Variants in ARFGEF1 observed in about 807,000 individuals in gnomAD.
ARFGEF1 encodes the protein brefeldin A-inhibited guanine nucleotide-exchange protein 1.
ARFGEF1 carries 42 observed loss-of-function variants against 231.0 expected under a neutral mutation model. That is an observed-to-expected ratio of 0.18 (90% CI 0.14 to 0.24). The LOEUF is 0.24. ARFGEF1 is among the 10% of genes least tolerant of loss of function. The probability of loss-of-function intolerance (pLI) is 1.00; values close to 1 mark genes in which losing one functional copy is unlikely to be tolerated. For missense variants in ARFGEF1, 1,345 were observed against 2,192.0 expected (o/e 0.61, Z 7.72); for synonymous variants, 710 against 732.3 (o/e 0.97, Z 0.49).
At chr8:67,238,941 C>G in intron 20 of ARFGEF1, 48 bp from the exon 21 acceptor site, 1 of 1,410,256 alleles carries the variant, frequency 7.1e-7, no homozygotes, top group South Asian at 1.5e-5. Flanking sequence ...ATAGAGCAGA[C>G]TGATTAATTC....
At chr8:67,191,574 T>C (rs1836265204) in intron 5 of ARFGEF1, among the ~76,000 whole-genome samples, 2 of 152,228 alleles carry the variant, frequency 1.3e-5, no homozygotes, top group South Asian at 4.1e-4. Context: ...CTTTTGAAGG[T>C]CATTCATGTT....
intron 14 of ARFGEF1, among the ~76,000 whole-genome samples, chr8:67,263,595 C>T (rs1804727117): frequency 6.6e-6 from 1 of 152,156 alleles, no homozygotes; most frequent in Non-Finnish European, 1.5e-5. Flanking sequence ...CCTCCCTTTC[C>T]TCTGCTGCTG....
rs909771404 is a variant in ARFGEF1, at chr8:67,343,184, T to C, written c.104A>G (p.Lys35Arg). 1.9e-6 allele frequency: 3 copies of C among 1,594,904 alleles called. No homozygotes were observed. Among genetic ancestry groups the C allele is most frequent in the South Asian group, 1.1e-5 (1 of 90,654 alleles). ...CTCACCTAACGCCACCTCGCAAGCTTTGCGCAGCTGGGAGTGATGCGCCTT... is the reference window on the plus strand; with the variant it reads ...CTCACCTAACGCCACCTCGCAAGCTCTGCGCAGCTGGGAGTGATGCGCCTT... ...VKKAHHSQLR[K>R]ACEVALEEIK... is the part of the protein sequence containing the mutation. Residue 35 changes from lysine to arginine, a missense_variant, in exon 1 of 39, where the codon AAA (lysine) becomes AGA (arginine). Around this residue, in one of 14 missense-constraint regions of ARFGEF1, gnomAD observed 398 missense variants for 463.2 expected, o/e 0.86. Coordinates refer to ENST00000262215, the MANE Select transcript of ARFGEF1 (RefSeq NM_006421.5).
At position 67,227,452 on chromosome 8, in the gene ARFGEF1, C is replaced by A. The variant is rs1839413121; in HGVS notation, c.3738G>T (p.Arg1246=). The change falls in exon 26 of 39, where the codon CGG becomes CGT. Residue 1246 remains arginine (R), a synonymous_variant. Coordinates refer to ENST00000262215, the MANE Select transcript of ARFGEF1 (RefSeq NM_006421.5). ...CAATTCAACAAATATAGTACCTGTT[C>A]CGTTTCATTATATGTTCAAAAGGTC... The part of the protein sequence containing the change: ...FLRPFEHIMK[R]NRSPTIRDMV... 6.2e-7 allele frequency: 1 copy of A among 1,612,480 alleles called. No homozygotes were observed. Among genetic ancestry groups the A allele is most frequent in the Non-Finnish European group, 8.5e-7 (1 of 1,179,116 alleles).
At chr8:67,174,038 ATAAG>A (rs1360429017), downstream of ARFGEF1, 1 of 152,188 alleles carries the variant, frequency 6.6e-6, no homozygotes, top group Non-Finnish European at 1.5e-5. Context: ...TGTGACATAC[ATAAG>A]TAAAGCTCTT....
chr8:67,238,956 C>A (rs1035138189), intron 20 of ARFGEF1, 63 bp from the exon 21 acceptor site: 3 of 1,277,774 alleles, frequency 2.3e-6, no homozygotes, highest in African/African-American at 3.0e-5. Flanking sequence ...TAATTCCCCA[C>A]CAACAAACTC....
rs552572153 is a variant in ARFGEF1 at position 67,271,039 on chromosome 8, A to G, written c.1572+663T>C. Among the ~76,000 whole-genome samples, 34 of 138,588 alleles carry G rather than the reference A, an allele frequency of 2.5e-4. No homozygotes were observed. The East Asian group carries it at 3.4e-3, about 14-fold the overall frequency. The allele number at this position is 138,588 out of a possible 152,430, so 90.9% of individuals were successfully genotyped here. ...AACTCCATCTCCAAAAAAAAAAAAA[A>G]AAAAGGAAAAAGAAAAAAAAAAAAA... is the stretch of plus-strand genomic sequence containing the variant. On this transcript the variant is annotated intron_variant, in intron 10 of 38. Transcript: ENST00000262215.
chr8:67,273,670 C>T (rs1252309047), intron 9 of ARFGEF1, among the ~76,000 whole-genome samples: 1 of 152,048 alleles, frequency 6.6e-6, no homozygotes, highest in African/African-American at 2.4e-5. Context: ...ATTACACAGT[C>T]ATGTTTCTAA....
chr8:67,223,230 CAG>C (rs762144366), intron 29 of ARFGEF1, among the ~76,000 whole-genome samples: 7 of 152,114 alleles, frequency 4.6e-5, no homozygotes, highest in African/African-American at 7.2e-5. Context: ...TTGTTAAAGA[CAG>C]AGAGTCTCAA....
At chr8:67,219,583 G>A in intron 29 of ARFGEF1, 23 bp from the exon 30 acceptor site, 1 of 1,568,344 alleles carries the variant, frequency 6.4e-7, no homozygotes, top group Non-Finnish European at 8.6e-7. Flanking sequence ...AACACAATTA[G>A]AAAGCTGTAA....
intron 19 of ARFGEF1, among the ~76,000 whole-genome samples, chr8:67,251,051 C>A (rs1169641299): frequency 3.9e-5 from 6 of 152,184 alleles, no homozygotes. Context: ...TTCTCCAATA[C>A]TTTTCTTTGC....
chr8:67,308,211 C>T (rs527248345), intron 1 of ARFGEF1, among the ~76,000 whole-genome samples: 1 of 152,326 alleles, frequency 6.6e-6, no homozygotes, highest in South Asian at 2.1e-4. Context: ...CATGCCCCAT[C>T]TGAATTCCTG....
At chr8:67,187,586 A>G (rs970322152) in intron 5 of ARFGEF1, among the ~76,000 whole-genome samples, 2 of 152,066 alleles carry the variant, frequency 1.3e-5, no homozygotes, top group Admixed American at 1.3e-4. Flanking sequence ...TGGGAGGCTG[A>G]GGTGGGAGGA....
intron 29 of ARFGEF1, among the ~76,000 whole-genome samples, chr8:67,220,263 T>A (rs994132255): frequency 6.6e-6 from 1 of 152,262 alleles, no homozygotes; most frequent in Non-Finnish European, 1.5e-5. Context: ...TACTTTTATG[T>A]AACCATTAGA....
chr8:67,215,004 T>C (rs1838877634), intron 33 of ARFGEF1, among the ~76,000 whole-genome samples: 1 of 152,200 alleles, frequency 6.6e-6, no homozygotes, highest in African/African-American at 2.4e-5. Flanking sequence ...TCAACGGAAT[T>C]GTCCCTGCTA....
chr8:67,302,906 TAAA>T (rs139020447), intron 1 of ARFGEF1, among the ~76,000 whole-genome samples: 29,203 of 101,486 alleles, frequency 0.29, 3,576 homozygotes, highest in East Asian at 0.4. Context: ...CCCCATCTCT[TAAA>T]AAAAAAAAAA....
At chr8:67,271,379 T>C (rs540968488) in intron 10 of ARFGEF1, among the ~76,000 whole-genome samples, 1 of 152,296 alleles carries the variant, frequency 6.6e-6, no homozygotes, top group African/African-American at 2.4e-5. Context: ...TAAACAAATG[T>C]ATTCGAATAT....
chr8:67,191,782 G>A (rs1836328666), intron 5 of ARFGEF1, among the ~76,000 whole-genome samples: 1 of 152,184 alleles, frequency 6.6e-6, no homozygotes, highest in African/African-American at 2.4e-5. Flanking sequence ...GAAGGAAATT[G>A]TTGGGTTATA....
chr8:67,267,495 T>G (rs1031702923), intron 10 of ARFGEF1, 53 bp from the exon 11 acceptor site: 3 of 1,208,726 alleles, frequency 2.5e-6, no homozygotes, highest in African/African-American at 3.0e-5. Context: ...TTCATATGTG[T>G]GATCACTTTT....
Sources: gnomAD v4.1 joint callset for allele counts (sites outside exome capture counted in the v4.1 genomes callset) on GRCh38, gnomAD v4.1.1 for gene constraint, gnomAD v4.1.1 regional missense constraint, MANE v1.5 for transcripts, NCBI Gene and HGNC (gene_info 2026-07-23, HGNC 2026-07-21) for gene names.